Variants in NBN observed in about 807,000 individuals in gnomAD.
NBN encodes the protein nibrin.
Under a neutral mutation model 90.8 loss-of-function variants are expected in NBN, and 88 were observed. The observed-to-expected ratio is 0.97, with a 90% CI of 0.82 to 1.16. The LOEUF is 1.16. Ranked by LOEUF, NBN falls within the 50% of genes most tolerant of loss-of-function variation. NBN has a pLI of 0.00. For synonymous variants in NBN, 328 were observed against 295.1 expected (o/e 1.11, Z -1.14); for missense variants, 894 against 869.6 (o/e 1.03, Z -0.35).
chr8:89,982,204 G>A (rs1812102662), intron 2 of NBN, among the ~76,000 whole-genome samples: 1 of 152,020 alleles, frequency 6.6e-6, no homozygotes, highest in South Asian at 2.1e-4. Flanking sequence ...AGGAGCTGTG[G>A]GGCATAAGTA....
chr8:89,984,630 ACGGCGCCTG>A lies in NBN; in HGVS notation c.-78_-70del, dbSNP rs1812250549. On this transcript the variant is annotated 5_prime_UTR_variant, in exon 1 of 16. Transcript: ENST00000265433. Reference sequence around the variant, plus strand: ...CCGGGGCTGCTAGACGAGCGCGGATACGGCGCCTGCGGTCGGCATGGGCTCCGGGACGTG... The same window carrying A: ...CCGGGGCTGCTAGACGAGCGCGGATACGGTCGGCATGGGCTCCGGGACGTG... 6.3e-7 allele frequency: 1 copy of A among 1,594,560 alleles called. No individual in the cohort carries two copies. The highest frequency in any genetic ancestry group is 8.5e-7 in the Non-Finnish European group (1 of 1,170,806).
chr8:89,958,949 G>A, intron 8 of NBN, 95 bp from the exon 9 acceptor site: 1 of 1,484,978 alleles, frequency 6.7e-7, no homozygotes, highest in Middle Eastern at 2.0e-4. Context: ...CCATGCTGAG[G>A]GGATTAACTA....
At chr8:89,936,932 A>G in intron 15 of NBN, 94 bp downstream of exon 15, 4 of 954,248 alleles carry the variant, frequency 4.2e-6, no homozygotes, top group Non-Finnish European at 5.0e-6. Flanking sequence ...GGTGTCTATG[A>G]GGACAGAAGA....
chr8:89,967,063 G>A (rs73696845), intron 7 of NBN, among the ~76,000 whole-genome samples: 3,314 of 152,200 alleles, frequency 0.022, 115 homozygotes, highest in African/African-American at 0.074. Context: ...TTATGACATC[G>A]GCAAGAAAAA....
intron 5 of NBN, among the ~76,000 whole-genome samples, chr8:89,975,192 C>T (rs1431791251): frequency 6.6e-6 from 1 of 152,130 alleles, no homozygotes; most frequent in Non-Finnish European, 1.5e-5. Flanking sequence ...ACTGTCATAT[C>T]CTGTTTCTTG....
intron 11 of NBN, among the ~76,000 whole-genome samples, chr8:89,949,751 C>T (rs1286012727): frequency 6.6e-6 from 1 of 152,014 alleles, no homozygotes; most frequent in African/African-American, 2.4e-5. Flanking sequence ...CTAGGGATTC[C>T]AACACCAAAG....
In NBN at chr8:89,946,249, A is replaced by C. The variant is rs758728938; in HGVS notation, c.1961T>G (p.Leu654Arg). 4 of 1,587,400 alleles carry C rather than the reference A, an allele frequency of 2.5e-6. No individual in the cohort carries two copies. In the South Asian group the frequency reaches 4.4e-5, roughly 18 times the overall value. ...CAGTGATCTAAATTCAGTCAATAAC[A>C]GCTTTTTTGGAAGCATCTCACTATC... ...QDDSEMLPKKLLLTEFRSLVI... is the reference protein window; with the variant it reads ...QDDSEMLPKKRLLTEFRSLVI... Residue 654 changes from leucine (L) to arginine (R), a missense_variant, in exon 13 of 16, where the codon CTG (leucine) becomes CGG (arginine). Coordinates refer to ENST00000265433, the MANE Select transcript of NBN (RefSeq NM_002485.5).
intron 8 of NBN, among the ~76,000 whole-genome samples, chr8:89,960,028 G>A (rs1236691755): frequency 6.6e-6 from 1 of 152,102 alleles, no homozygotes; most frequent in Non-Finnish European, 1.5e-5. Context: ...ACTAAGTCTT[G>A]TGTATTTCTG....
rs1437396256 is a variant in NBN at position 89,947,805 on chromosome 8, TTAA to T, written c.1914+16_1914+18del. ...CCCGTAAGCCAAATCTGTATAAAAA[TTAA>T]TAAAACGTTTCTCACAGATATTTCT... On this transcript the variant is annotated intron_variant, in intron 12 of 15. Coordinates refer to ENST00000265433, the MANE Select transcript of NBN (RefSeq NM_002485.5). 4.1e-6 allele frequency: 6 copies of T among 1,472,342 alleles called. No homozygotes were observed. In the South Asian group the frequency reaches 7.0e-5, roughly 17 times the overall value. 91.2% of individuals were successfully genotyped at this position (1,472,342 alleles called of 1,614,324 possible).
At chr8:89,953,122 T>C in intron 11 of NBN, 122 bp downstream of exon 11, 3 of 716,068 alleles carry the variant, frequency 4.2e-6, no homozygotes, top group South Asian at 3.4e-5. Context: ...AACCAACAAA[T>C]TTCTATAGTA....
rs876659478 is a variant in NBN at position 89,971,264 on chromosome 8, G to A, written c.611C>T (p.Ser204Phe). The change falls in exon 6 of 16, where the codon TCT becomes TTT. Residue 204 changes from serine to phenylalanine, a missense_variant. Coordinates refer to ENST00000265433, the MANE Select transcript of NBN (RefSeq NM_002485.5). ...CAGATCAACATTTTTACTTCCAATA[G>A]ATGGTTCATCAAGAGGTGGGTAAAA... Reference protein sequence around the residue: ...ESFYPPLDEPSIGSKNVDLSG... With the variant: ...ESFYPPLDEPFIGSKNVDLSG... 1.2e-6 allele frequency: 2 copies of A among 1,612,830 alleles called. No individual in the cohort carries two copies. The highest frequency in any genetic ancestry group is 1.7e-6 in the Non-Finnish European group (2 of 1,179,330).
intron 14 of NBN, among the ~76,000 whole-genome samples, chr8:89,938,464 A>G (rs568138931): frequency 2.0e-5 from 3 of 151,536 alleles, no homozygotes; most frequent in Non-Finnish European, 2.9e-5. Context: ...CTCTCTCTCT[A>G]TATGTGTGTG....
chr8:89,957,112 T>A (rs1007527095), intron 9 of NBN, among the ~76,000 whole-genome samples: 19 of 150,702 alleles, frequency 1.3e-4, no homozygotes, highest in African/African-American at 3.7e-4. Flanking sequence ...ATAAAAAAAA[T>A]AACTTTAAAA....
intron 10 of NBN, 51 bp downstream of exon 10, chr8:89,955,232 A>G: frequency 1.3e-6 from 2 of 1,561,634 alleles, no homozygotes; most frequent in East Asian, 4.5e-5. Context: ...AACAGTATAA[A>G]AAACTTTCAT....
At position 89,934,981 on chromosome 8, in the gene NBN, T is replaced by C. The variant is rs1809596903; in HGVS notation, c.*601A>G. 1 of 232,736 alleles carries C rather than the reference T, an allele frequency of 4.3e-6. No individual in the cohort carries two copies. Among genetic ancestry groups the C allele is most frequent in the Non-Finnish European group, 8.5e-6 (1 of 117,936 alleles). The allele number at this position is 232,736 out of a possible 1,614,324, so 14.4% of individuals were successfully genotyped here. A position where few individuals can be genotyped will look rare whatever the true frequency, so the allele number is the denominator to read the frequency against. On this transcript the variant is annotated 3_prime_UTR_variant, in exon 16 of 16. Transcript: ENST00000265433. Reference sequence around the variant, plus strand: ...TTCAGTTTCTAGTACTAGAATAACATGTAGGTGACATCTGCACCACTGAAG... The same window carrying C: ...TTCAGTTTCTAGTACTAGAATAACACGTAGGTGACATCTGCACCACTGAAG...
chr8:89,953,730 A>G, intron 10 of NBN, 39 bp from the exon 11 acceptor site: 1 of 1,501,542 alleles, frequency 6.7e-7, no homozygotes, highest in Non-Finnish European at 9.1e-7. Flanking sequence ...AAACAAGAAA[A>G]TGAACACAGC....
At chr8:89,980,944 TG>T in intron 3 of NBN, 51 bp from the exon 4 acceptor site, 1 of 1,541,800 alleles carries the variant, frequency 6.5e-7, no homozygotes, top group Non-Finnish European at 8.9e-7. Context: ...GTTGCAGAGA[TG>T]GCAATTTTTA....
chr8:89,964,326 G>C, intron 8 of NBN, 84 bp downstream of exon 8: 1 of 1,440,372 alleles, frequency 6.9e-7, no homozygotes, highest in Non-Finnish European at 9.7e-7. Context: ...GTCACCCCTA[G>C]CAAGTATATG....
intron 7 of NBN, among the ~76,000 whole-genome samples, chr8:89,966,005 G>A (rs757455786): frequency 6.6e-6 from 1 of 152,048 alleles, no homozygotes; most frequent in Non-Finnish European, 1.5e-5. Context: ...ACTAACTTTT[G>A]CAACTATAAC....
Sources: gnomAD v4.1 joint callset for allele counts (sites outside exome capture counted in the v4.1 genomes callset) on GRCh38, gnomAD v4.1.1 for gene constraint, MANE v1.5 for transcripts, NCBI Gene and HGNC (gene_info 2026-07-23, HGNC 2026-07-21) for gene names.